Variants in RASAL2 observed in about 807,000 individuals in gnomAD.
The protein encoded by RASAL2 is RAS protein activator like 2, also known as ras GTPase-activating protein nGAP.
A neutral mutation model predicts 128.9 loss-of-function variants in RASAL2; 58 were observed. The ratio of observed to expected loss-of-function variants is 0.45; its 90% CI spans 0.36 to 0.56. The LOEUF is 0.56. Among genes scored for constraint, RASAL2 ranks in the 20% least tolerant of loss-of-function variants. The probability of loss-of-function intolerance (pLI) is 0.00; values close to 1 mark genes in which losing one functional copy is unlikely to be tolerated. For synonymous variants in RASAL2, 561 were observed against 580.8 expected (o/e 0.97, Z 0.49); for missense variants, 1,360 against 1,601.6 (o/e 0.85, Z 2.57).
chr1:178,197,909 C>T (rs1024924092), intron 1 of RASAL2, among the ~76,000 whole-genome samples: 4 of 152,114 alleles, frequency 2.6e-5, no homozygotes, highest in African/African-American at 4.8e-5. Flanking sequence ...TCCAACTATT[C>T]TCATTGTTCA....
chr1:178,260,350 CA>C (rs1243797175), intron 1 of RASAL2, among the ~76,000 whole-genome samples: 1 of 436 alleles, frequency 2.3e-3, no homozygotes, highest in Non-Finnish European at 7.6e-3. Context: ...AGACTCGTCT[CA>C]AAAAAAAAAA....
Position 178,458,353 on chromosome 1 carries a change from G to C in RASAL2, c.3061G>C (p.Ala1021Pro). The change falls in exon 14 of 18, where the codon GCC becomes CCC. Residue 1021 changes from alanine (A) to proline (P), a missense_variant. Ala to Pro is a conservative substitution (Grantham distance 27). Transcript: ENST00000367649. ...AAAAGTGGACCAGGGTGGGTTAGGTGCCCGAGCCAAAGCCCCACCATCCCT... is the reference window on the plus strand; with the variant it reads ...AAAAGTGGACCAGGGTGGGTTAGGTCCCCGAGCCAAAGCCCCACCATCCCT... ...IRKVDQGGLGARAKAPPSLPH... is the reference protein window; with the variant it reads ...IRKVDQGGLGPRAKAPPSLPH... The C allele has an allele frequency of 6.2e-7, 1 of 1,614,220 alleles. No individual in the cohort carries two copies. Among genetic ancestry groups the C allele is most frequent in the Non-Finnish European group, 8.5e-7 (1 of 1,180,038 alleles).
intron 2 of RASAL2, among the ~76,000 whole-genome samples, chr1:178,290,946 G>A (rs1177450672): frequency 3.3e-5 from 5 of 152,170 alleles, no homozygotes; most frequent in Non-Finnish European, 7.3e-5. Flanking sequence ...AAAGTGCTGG[G>A]ATTATAGGTG....
At chr1:178,113,781 A>G (rs1367153937) in intron 1 of RASAL2, among the ~76,000 whole-genome samples, 2 of 152,136 alleles carry the variant, frequency 1.3e-5, no homozygotes, top group African/African-American at 4.8e-5. Flanking sequence ...GGGGAGAGTT[A>G]CTATCTTAAC....
At chr1:178,181,545 G>A (rs1361056309) in intron 1 of RASAL2, among the ~76,000 whole-genome samples, 10 of 152,040 alleles carry the variant, frequency 6.6e-5, no homozygotes, top group African/African-American at 2.4e-5. Flanking sequence ...TTTTAGTAGA[G>A]ACGGGGTTTC....
intron 2 of RASAL2, among the ~76,000 whole-genome samples, chr1:178,286,956 C>T (rs1667058829): frequency 6.6e-6 from 1 of 152,132 alleles, no homozygotes; most frequent in Non-Finnish European, 1.5e-5. Flanking sequence ...TACCTTCTAT[C>T]TTTCTAGCTC....
At chr1:178,402,854 C>T (rs1203556434) in intron 4 of RASAL2, among the ~76,000 whole-genome samples, 3 of 152,058 alleles carry the variant, frequency 2.0e-5, no homozygotes, top group Non-Finnish European at 2.9e-5. Flanking sequence ...TCTAGTCCGT[C>T]TCCCCTGACA....
chr1:178,375,183 G>C (rs1327615046), intron 3 of RASAL2, among the ~76,000 whole-genome samples: 1 of 152,006 alleles, frequency 6.6e-6, no homozygotes, highest in Non-Finnish European at 1.5e-5. Flanking sequence ...GAAATGGTAG[G>C]GTTTTCTGTA....
intron 3 of RASAL2, among the ~76,000 whole-genome samples, chr1:178,360,791 C>T (rs1671066275): frequency 6.6e-6 from 1 of 152,186 alleles, no homozygotes; most frequent in Non-Finnish European, 1.5e-5. Context: ...CATGCCTTTT[C>T]ACCTCGCTTC....
intron 17 of RASAL2, among the ~76,000 whole-genome samples, chr1:178,471,323 A>G (rs909944060): frequency 6.6e-6 from 1 of 151,988 alleles, no homozygotes; most frequent in African/African-American, 2.4e-5. Context: ...TCTAGTATTC[A>G]CTGGCCAGTT....
intron 17 of RASAL2, among the ~76,000 whole-genome samples, chr1:178,472,287 G>C (rs1175000640): frequency 6.6e-6 from 1 of 151,850 alleles, no homozygotes; most frequent in Non-Finnish European, 1.5e-5. Context: ...ACCAATGCTT[G>C]GTTTCCAAAT....
intron 1 of RASAL2, among the ~76,000 whole-genome samples, chr1:178,186,593 T>C (rs892926035): frequency 3.3e-5 from 5 of 152,200 alleles, no homozygotes; most frequent in South Asian, 2.1e-4. Context: ...CGATGAGTAG[T>C]AGTCAGCAGT....
chr1:178,177,809 A>G (rs1339414002), intron 1 of RASAL2, among the ~76,000 whole-genome samples: 1 of 152,216 alleles, frequency 6.6e-6, no homozygotes, highest in African/African-American at 2.4e-5. Flanking sequence ...TATAGTATAA[A>G]TAACTAACTT....
chr1:178,203,382 G>T (rs1225059670), intron 1 of RASAL2, among the ~76,000 whole-genome samples: 1 of 152,172 alleles, frequency 6.6e-6, no homozygotes, highest in Non-Finnish European at 1.5e-5. Flanking sequence ...ATGCCATCTA[G>T]GTGAGAATAC....
intron 1 of RASAL2, among the ~76,000 whole-genome samples, chr1:178,176,369 T>G (rs916286415): frequency 6.6e-6 from 1 of 151,946 alleles, no homozygotes; most frequent in African/African-American, 2.4e-5. Flanking sequence ...TTTTGAGAAA[T>G]GTCTGTTCCT....
At chr1:178,206,508 C>G (rs1340720646) in intron 1 of RASAL2, among the ~76,000 whole-genome samples, 1 of 152,124 alleles carries the variant, frequency 6.6e-6, no homozygotes, top group Non-Finnish European at 1.5e-5. Context: ...AAGTGACAAG[C>G]CAAAATATAG....
intron 14 of RASAL2, among the ~76,000 whole-genome samples, chr1:178,461,432 A>G (rs943736950): frequency 2.6e-5 from 4 of 152,228 alleles, no homozygotes; most frequent in Non-Finnish European, 4.4e-5. Flanking sequence ...AATCCTGGTG[A>G]AAAAATTCAC....
chr1:178,227,167 G>A (rs1404641656), intron 1 of RASAL2, among the ~76,000 whole-genome samples: 1 of 151,508 alleles, frequency 6.6e-6, no homozygotes, highest in Non-Finnish European at 1.5e-5. Flanking sequence ...CCATTCTGAT[G>A]CCTACTTTCA....
intron 3 of RASAL2, among the ~76,000 whole-genome samples, chr1:178,310,482 T>G (rs1312592274): frequency 6.6e-6 from 1 of 152,164 alleles, no homozygotes; most frequent in East Asian, 1.9e-4. Flanking sequence ...AAAAAAAAAC[T>G]AGTACTTAAG....
Sources: allele counts gnomAD v4.1 joint callset (sites outside exome capture counted in the v4.1 genomes callset), GRCh38; gene constraint gnomAD v4.1.1; transcripts MANE v1.5; gene names NCBI Gene and HGNC (gene_info 2026-07-23, HGNC 2026-07-21).